Variants in KLHL40 observed in about 807,000 individuals in gnomAD.
The protein encoded by KLHL40 is kelch-like protein 40.
KLHL40 carries 44 observed loss-of-function variants against 49.7 expected under a neutral mutation model. The ratio of observed to expected loss-of-function variants is 0.89; its 90% CI spans 0.70 to 1.14. The LOEUF (loss-of-function observed/expected upper bound fraction) is 1.14. Among genes scored for constraint, KLHL40 ranks in the 50% most tolerant of loss-of-function variants. The pLI, the probability that KLHL40 is intolerant of heterozygous loss-of-function variation, is 0.00. For synonymous variants in KLHL40, 409 were observed against 365.2 expected, an observed-to-expected ratio of 1.12 and a Z score of -1.37; for missense variants, 892 against 850.3, an observed-to-expected ratio of 1.05 and a Z score of -0.61.
rs768035335 is a variant in KLHL40, at chr3:42,685,762, C to G, written c.144C>G (p.Arg48=). ...RAGEREFPCH[R]LVLAACSPYF... ...GCGAGCGCGAGTTCCCGTGCCATCG[C>G]CTGGTGCTGGCCGCCTGCAGCCCCT... is the stretch of plus-strand genomic sequence containing the variant. Residue 48 remains arginine, a synonymous_variant, in exon 1 of 6, where the codon CGC becomes CGG. Coordinates refer to ENST00000287777, the MANE Select transcript of KLHL40 (RefSeq NM_152393.4). 3.1e-6 allele frequency: 5 copies of G among 1,612,652 alleles called. No homozygotes were observed. Among genetic ancestry groups the G allele is most frequent in the Non-Finnish European group, 3.4e-6 (4 of 1,179,720 alleles).
chr3:42,686,131 ACT>A lies in KLHL40; in HGVS notation c.517_518del (p.Ser173GlyfsTer14). Reference sequence around the variant, plus strand: ...TGGCGCGCGACGCTGACTTCCTCGGACTCTCGGCCGACGAGCTCATCGCCATC... The same window carrying A: ...TGGCGCGCGACGCTGACTTCCTCGGACTCGGCCGACGAGCTCATCGCCATC... ...LVARDADFLG[L>X]SADELIAIIS... On this transcript the variant is annotated frameshift_variant, in exon 1 of 6. Coordinates refer to ENST00000287777, the MANE Select transcript of KLHL40 (RefSeq NM_152393.4). LOFTEE classifies it high-confidence loss of function. The A allele has an allele frequency of 6.3e-7, 1 of 1,598,030 alleles. No homozygotes were observed. Among genetic ancestry groups the A allele is most frequent in the Non-Finnish European group, 8.5e-7 (1 of 1,178,084 alleles).
Position 42,688,950 on chromosome 3 carries a change from A to C in KLHL40, c.1503A>C (p.Ser501=), listed in dbSNP as rs1227244347. 1 of 1,613,916 alleles carries C rather than the reference A, an allele frequency of 6.2e-7. No individual in the cohort carries two copies. The highest frequency in any genetic ancestry group is 1.7e-5 in the Admixed American group (1 of 59,988). The change falls in exon 4 of 6, where the codon TCA becomes TCC. Residue 501 remains serine (S), a synonymous_variant. Transcript: ENST00000287777. This position sits in a 1 kb window ranked among gnomAD's most constrained non-coding sequence, Gnocchi z 4.2. ...TGGCACCCATGCAGACCGCCCGCTC[A>C]CTCTTTGGGGCCACTGTCCATGATG... ...KELAPMQTAR[S]LFGATVHDGR...
Position 42,686,439 on chromosome 3 carries a change from G to A in KLHL40, c.821G>A (p.Gly274Glu). ...RITTLRKKKK[G>E]KDGAGAKEAD... ...ACCACGCTGCGGAAGAAAAAGAAGG[G>A]GAAGGATGGAGCCGGGGCCAAGGAG... is the stretch of plus-strand genomic sequence containing the variant. Residue 274 changes from glycine (G) to glutamate (E), a missense_variant, in exon 1 of 6, where the codon GGG becomes GAG. Transcript: ENST00000287777. The A allele has an allele frequency of 5.6e-6, 9 of 1,613,948 alleles. No individual in the cohort carries two copies. The highest frequency in any genetic ancestry group is 7.6e-6 in the Non-Finnish European group (9 of 1,179,984).
Sources: gnomAD v4.1 joint callset for allele counts on GRCh38, gnomAD v4.1.1 for gene constraint, Gnocchi (gnomAD v3.1) non-coding constraint, MANE v1.5 for transcripts, NCBI Gene and HGNC (gene_info 2026-07-23, HGNC 2026-07-21) for gene names.